The following HRC variants were observed in gnomAD, a reference collection of about 807,000 sequenced individuals.
HRC encodes histidine rich calcium binding protein.
HRC carries 41 observed loss-of-function variants against 61.4 expected under a neutral mutation model. That is an observed-to-expected ratio of 0.67 (90% CI 0.52 to 0.87). HRC has a LOEUF of 0.87. Among genes scored for constraint, HRC ranks in the 40% least tolerant of loss-of-function variants. The pLI is 0.00. For synonymous variants in HRC, 308 were observed against 326.6 expected (o/e 0.94, Z 0.62); for missense variants, 839 against 885.8 (o/e 0.95, Z 0.67).
In HRC at chr19:49,155,096, C is replaced by G. The variant is rs149712080; in HGVS notation, c.142G>C (p.Gly48Arg). The G allele has an allele frequency of 5.6e-6, 9 of 1,614,148 alleles. No homozygotes were observed. Among genetic ancestry groups the G allele is most frequent in the Non-Finnish European group, 7.6e-6 (9 of 1,180,028 alleles). Residue 48 changes from glycine to arginine, a missense_variant, in exon 1 of 6, where the codon GGG becomes CGG. Transcript: ENST00000252825. The surrounding 1 kb of genome is among the most constrained non-coding windows in gnomAD (Gnocchi z 4.7). The stretch of plus-strand genomic sequence containing the variant: ...TCTGCTGATGCCTCCTCGGAGAGCC[C>G]GGCGACTCCAGTGCTGTTGTTCCGG... ...RNRNNSTGVA[G>R]LSEEASAELR...
chr19:49,153,828 C>A lies in HRC; in HGVS notation c.1410G>T (p.Val470=). The A allele has an allele frequency of 6.2e-7, 1 of 1,614,122 alleles. No homozygotes were observed. Among genetic ancestry groups the A allele is most frequent in the Non-Finnish European group, 8.5e-7 (1 of 1,180,018 alleles). Residue 470 remains valine (V), a synonymous_variant, in exon 1 of 6, where the codon GTG becomes GTT. Coordinates refer to ENST00000252825, the MANE Select transcript of HRC (RefSeq NM_002152.3). The surrounding 1 kb of genome is among the most constrained non-coding windows in gnomAD (Gnocchi z 4.8). ...TCCTCAAATGGCTTCTATCCTTGAC[C>A]ACTGTGTGTCCTGGGGGGTGATGGC... ...EMSHHPPGHT[V]VKDRSHLRKD...
intron 2 of HRC, 116 bp from the exon 3 acceptor site, chr19:49,152,494 A>C: frequency 1.4e-6 from 1 of 712,466 alleles, no homozygotes; most frequent in Non-Finnish European, 2.3e-6. Flanking sequence ...CTTTATCTCT[A>C]ACACTGAGCT....
chr19:49,151,291 C>G lies in HRC; in HGVS notation c.*5G>C, dbSNP rs1482622783. 6.4e-7 allele frequency: 1 copy of G among 1,551,442 alleles called. No homozygotes were observed. Among genetic ancestry groups the G allele is most frequent in the South Asian group, 1.2e-5 (1 of 84,474 alleles). On this transcript the variant is annotated 3_prime_UTR_variant, in exon 6 of 6. Transcript: ENST00000252825. The stretch of plus-strand genomic sequence containing the variant: ...GTACACCTGCGTCGCAGTCGAGCGA[C>G]TGGGTCAGGGTTCCGGCGTTTCCAG...
chr19:49,151,606 G>T, intron 4 of HRC, 53 bp from the exon 5 acceptor site: 1 of 1,529,066 alleles, frequency 6.5e-7, no homozygotes, highest in Non-Finnish European at 9.0e-7. Flanking sequence ...AGCAAAATTA[G>T]GCAGCCACTC....
rs759227760 is a variant in HRC, at chr19:49,151,354, G to A, written c.2064-22C>T. 1.3e-5 allele frequency: 21 copies of A among 1,556,810 alleles called. No homozygotes were observed. In the South Asian group the frequency reaches 2.3e-4, roughly 17 times the overall value. On this transcript the variant is annotated intron_variant, in intron 5 of 5. Transcript: ENST00000252825. ...GGCCCTGGAGACGAGAACGCCAGAA[G>A]TTAGACAGCTGGTGTTCAAAGCCCA...
rs759171387 is a variant in HRC, at chr19:49,151,279, G to A, written c.*17C>T. On this transcript the variant is annotated 3_prime_UTR_variant, in exon 6 of 6. Transcript: ENST00000252825. ...AGGCAGGGGGAGGTACACCTGCGTC[G>A]CAGTCGAGCGACTGGGTCAGGGTTC... is the stretch of plus-strand genomic sequence containing the variant. 6.5e-7 allele frequency: 1 copy of A among 1,544,502 alleles called. No homozygotes were observed. The highest frequency in any genetic ancestry group is 8.8e-7 in the Non-Finnish European group (1 of 1,141,636).
Position 49,154,589 on chromosome 19 carries a change from G to A in HRC, c.649C>T (p.Arg217Ter), listed in dbSNP as rs376454955. The A allele has an allele frequency of 2.7e-5, 43 of 1,604,408 alleles. No homozygotes were observed. The highest frequency in any genetic ancestry group is 8.4e-5 in the Admixed American group (5 of 59,504). The change falls in exon 1 of 6, where the codon CGA becomes TGA. Residue 217 changes from arginine (R) to a stop codon, truncating the protein, a stop_gained. Transcript: ENST00000252825. LOFTEE classifies it high-confidence loss of function. ...TCATCCTCTTCACTCCCATGGCCTCGGTGCCTGTGGGCCTGGTGTCCATAC... is the reference window on the plus strand; with the variant it reads ...TCATCCTCTTCACTCCCATGGCCTCAGTGCCTGTGGGCCTGGTGTCCATAC... Reference protein sequence around the residue: ...TEYGHQAHRHRGHGSEEDEDV... With the variant: ...TEYGHQAHRH
rs1170844782 is a variant in HRC, at chr19:49,154,613, A to G, written c.625T>C (p.Tyr209His). 1 of 1,601,044 alleles carries G rather than the reference A, an allele frequency of 6.2e-7. No individual in the cohort carries two copies. The highest frequency in any genetic ancestry group is 8.5e-7 in the Non-Finnish European group (1 of 1,171,690). ...CGGTGCCTGTGGGCCTGGTGTCCAT[A>G]CTCAGTGGAGGCCTCCTCTTCCTCC... is the stretch of plus-strand genomic sequence containing the variant. ...EEEEEEASTE[Y>H]GHQAHRHRGH... The change falls in exon 1 of 6, where the codon TAT (tyrosine) becomes CAT (histidine). Residue 209 changes from tyrosine to histidine, a missense_variant. Transcript: ENST00000252825.
chr19:49,151,969 T>G, intron 4 of HRC, 35 bp downstream of exon 4: 1 of 1,607,038 alleles, frequency 6.2e-7, no homozygotes, highest in Non-Finnish European at 8.5e-7. Flanking sequence ...CCCGGCACCT[T>G]CCTCAGGTTT....
chr19:49,154,219 A>T lies in HRC; in HGVS notation c.1019T>A (p.Val340Asp), dbSNP rs772567545. 7.5e-6 allele frequency: 12 copies of T among 1,594,442 alleles called. No individual in the cohort carries two copies. In the East Asian group the frequency reaches 2.5e-4, roughly 33 times the overall value. The change falls in exon 1 of 6, where the codon GTC becomes GAC. Residue 340 changes from valine to aspartate, a missense_variant. Val to Asp is a radical substitution (Grantham distance 152, BLOSUM62 -3). Transcript: ENST00000252825. ...EAVSGEHHHH[V>D]PDHRHQGHRD... Reference sequence around the variant, plus strand: ...GTGGCCTTGGTGCCTGTGGTCAGGGACATGATGGTGGTGTTCACCTGAGAC... The same window carrying T: ...GTGGCCTTGGTGCCTGTGGTCAGGGTCATGATGGTGGTGTTCACCTGAGAC...
At position 49,153,222 on chromosome 19, in the gene HRC, G is replaced by A. The variant is rs763718530; in HGVS notation, c.1902+39C>T. On this transcript the variant is annotated intron_variant, in intron 2 of 5. Transcript: ENST00000252825. The surrounding 1 kb of genome is among the most constrained non-coding windows in gnomAD (Gnocchi z 4.8). ...CCCCAGGGCCCCTGGGACAGATTCT[G>A]GGGACACCTTGGTGGGTGGATCTGG... The A allele has an allele frequency of 6.5e-7, 1 of 1,531,004 alleles. No homozygotes were observed. The highest frequency in any genetic ancestry group is 1.1e-5 in the South Asian group (1 of 88,972). 94.8% of individuals were successfully genotyped at this position (1,531,004 alleles called of 1,614,324 possible). A position where few individuals can be genotyped will look rare whatever the true frequency, so the allele number is the denominator to read the frequency against.
chr19:49,152,178 C>G (rs2041367264), intron 3 of HRC, 120 bp from the exon 4 acceptor site: 3 of 1,267,388 alleles, frequency 2.4e-6, no homozygotes, highest in Non-Finnish European at 3.5e-6. Flanking sequence ...GAGTCAGGAT[C>G]GCTTGTGGAG....
Position 49,153,665 on chromosome 19 carries a change from C to A in HRC, c.1573G>T (p.Gly525Cys), listed in dbSNP as rs1485703179. 6.2e-7 allele frequency: 1 copy of A among 1,601,158 alleles called. No individual in the cohort carries two copies. Among genetic ancestry groups the A allele is most frequent in the South Asian group, 1.1e-5 (1 of 90,782 alleles). The change falls in exon 1 of 6, where the codon GGT (glycine) becomes TGT (cysteine). Residue 525 changes from glycine to cysteine, a missense_variant. Gly to Cys is a radical substitution (Grantham distance 159, BLOSUM62 -3). Coordinates refer to ENST00000252825, the MANE Select transcript of HRC (RefSeq NM_002152.3). The surrounding 1 kb of genome is among the most constrained non-coding windows in gnomAD (Gnocchi z 4.8). ...TCCTGGTTCAGGCTGAGGCCATGAC[C>A]TTCCTCCTCATCCTCCTCATCTTCC... ...DQEDEEDEEE[G>C]HGLSLNQEEE... is the part of the protein sequence containing the mutation.
At position 49,152,143 on chromosome 19, in the gene HRC, A is replaced by G. The variant is rs562349894; in HGVS notation, c.1972-85T>C. The G allele has an allele frequency of 9.5e-5, 128 of 1,345,084 alleles. No individual in the cohort carries two copies. In the African/African-American group the frequency reaches 1.7e-3, roughly 18 times the overall value. The allele number at this position is 1,345,084 out of a possible 1,614,324, so 83.3% of individuals were successfully genotyped here. ...ATGGGGCCGGGACCAGACCCGGACCAGAGGCTAGGTCTAGGTTAAGGTTGG... is the reference window on the plus strand; with the variant it reads ...ATGGGGCCGGGACCAGACCCGGACCGGAGGCTAGGTCTAGGTTAAGGTTGG... On this transcript the variant is annotated intron_variant, in intron 3 of 5. Transcript: ENST00000252825.
Position 49,155,350 on chromosome 19 carries a change from C to CCCCCT in HRC, c.-114_-113insAGGGG. The CCCCCT allele has an allele frequency of 2.9e-6, 4 of 1,386,820 alleles. No homozygotes were observed. The highest frequency in any genetic ancestry group is 3.8e-6 in the Non-Finnish European group (4 of 1,055,376). The allele number at this position is 1,386,820 out of a possible 1,614,324, so 85.9% of individuals were successfully genotyped here. ...TTTTTTCTCTGTGTCTCTCCTTTGT[C>CCCCCT]CTTTCGGTCTCTGTCCACCTTCCTC... is the stretch of plus-strand genomic sequence containing the variant. On this transcript the variant is annotated 5_prime_UTR_variant, in exon 1 of 6. Transcript: ENST00000252825. The surrounding 1 kb of genome is among the most constrained non-coding windows in gnomAD (Gnocchi z 4.7).
rs868569928 is a variant in HRC, at chr19:49,153,511, C to T, written c.1727G>A (p.Gly576Glu). 1 of 1,581,674 alleles carries T rather than the reference C, an allele frequency of 6.3e-7. No homozygotes were observed. The highest frequency in any genetic ancestry group is 8.6e-7 in the Non-Finnish European group (1 of 1,163,812). ...HSEEEEEEEE[G>E]LEEDEPRFTI... ...GAAGCGGGGCTCATCTTCCTCCAGC[C>T]CCTCCTCCTCCTCCTCTTCCTCCTC... The change falls in exon 1 of 6, where the codon GGG (glycine) becomes GAG (glutamate). Residue 576 changes from glycine to glutamate, a missense_variant. By Grantham distance (98) the Gly-to-Glu change is moderately conservative. Coordinates refer to ENST00000252825, the MANE Select transcript of HRC (RefSeq NM_002152.3). This position sits in a 1 kb window ranked among gnomAD's most constrained non-coding sequence, Gnocchi z 4.8.
Position 49,154,220 on chromosome 19 carries a change from CATG to C in HRC, c.1015_1017del (p.His339del). ...TGGCCTTGGTGCCTGTGGTCAGGGA[CATG>C]ATGGTGGTGTTCACCTGAGACAGCC... On this transcript the variant is annotated inframe_deletion, in exon 1 of 6. Transcript: ENST00000252825. 1 of 1,597,936 alleles carries C rather than the reference CATG, an allele frequency of 6.3e-7. No individual in the cohort carries two copies. The highest frequency in any genetic ancestry group is 8.5e-7 in the Non-Finnish European group (1 of 1,178,608).
chr19:49,151,908 C>T, intron 4 of HRC, 96 bp downstream of exon 4: 2 of 1,262,272 alleles, frequency 1.6e-6, no homozygotes, highest in Non-Finnish European at 2.3e-6. Context: ...AGCCCCGCCC[C>T]ACCAGCCTAC....
chr19:49,151,343 G>A lies in HRC; in HGVS notation c.2064-11C>T. Reference sequence around the variant, plus strand: ...ATGTCTGCCAGGGCCCTGGAGACGAGAACGCCAGAAGTTAGACAGCTGGTG... The same window carrying A: ...ATGTCTGCCAGGGCCCTGGAGACGAAAACGCCAGAAGTTAGACAGCTGGTG... On this transcript the variant is annotated splice_polypyrimidine_tract_variant and intron_variant, in intron 5 of 5. Transcript: ENST00000252825. 1.3e-6 allele frequency: 2 copies of A among 1,556,764 alleles called. No homozygotes were observed. Among genetic ancestry groups the A allele is most frequent in the Non-Finnish European group, 1.7e-6 (2 of 1,148,092 alleles).
Sources: gnomAD v4.1 joint callset for allele counts on GRCh38, gnomAD v4.1.1 for gene constraint, Gnocchi (gnomAD v3.1) non-coding constraint, MANE v1.5 for transcripts, NCBI Gene and HGNC (gene_info 2026-07-23, HGNC 2026-07-21) for gene names.